The following TARBP1 variants were observed in gnomAD, a reference collection of about 807,000 sequenced individuals.
The protein encoded by TARBP1 is tRNA guanosine 2 -O-methyltransferase TARBP1, also known as tRNA (guanosine(18)-2'-O)-methyltransferase TARBP1.
A neutral mutation model predicts 178.6 loss-of-function variants in TARBP1; 144 were observed. That is an observed-to-expected ratio of 0.81 (90% CI 0.70 to 0.93). The LOEUF (loss-of-function observed/expected upper bound fraction) is 0.93. TARBP1 is among the 40% of genes least tolerant of loss of function. The probability of loss-of-function intolerance (pLI) is 0.00; values close to 1 mark genes in which losing one functional copy is unlikely to be tolerated. For missense variants in TARBP1, 2,067 were observed against 2,011.7 expected (o/e 1.03, Z -0.53); for synonymous variants, 787 against 781.0 (o/e 1.01, Z -0.13).
At chr1:234,431,901 G>T (rs914761190) in intron 14 of TARBP1, among the ~76,000 whole-genome samples, 3 of 152,174 alleles carry the variant, frequency 2.0e-5, no homozygotes, top group African/African-American at 7.2e-5. Context: ...ACTTTGGGAG[G>T]CCGAGGTGGG....
chr1:234,433,769 CTG>C (rs1205228214), intron 13 of TARBP1, among the ~76,000 whole-genome samples, 198 bp from the exon 14 acceptor site: 4 of 152,238 alleles, frequency 2.6e-5, no homozygotes, highest in Admixed American at 2.6e-4. Flanking sequence ...TACACAGTGA[CTG>C]TGCATTCAGC....
At chr1:234,400,242 G>A (rs1660545352) in intron 25 of TARBP1, 1 of 152,102 alleles carries the variant, frequency 6.6e-6, no homozygotes, top group African/African-American at 2.4e-5. Context: ...CCTGTTGGAA[G>A]ACTGAATAGA....
chr1:234,452,901 A>G (rs1213359758), intron 9 of TARBP1, among the ~76,000 whole-genome samples: 1 of 152,208 alleles, frequency 6.6e-6, no homozygotes, highest in Non-Finnish European at 1.5e-5. Context: ...TGAGCTATCA[A>G]GCCATGAAAA....
intron 22 of TARBP1, among the ~76,000 whole-genome samples, chr1:234,412,627 G>A (rs1033499154): frequency 8.6e-5 from 13 of 152,044 alleles, no homozygotes; most frequent in Non-Finnish European, 1.0e-4. Context: ...TATAATTGCC[G>A]GGTGACAGAG....
chr1:234,457,186 C>A (rs922205522), intron 9 of TARBP1, among the ~76,000 whole-genome samples: 1 of 152,150 alleles, frequency 6.6e-6, no homozygotes, highest in Non-Finnish European at 1.5e-5. Flanking sequence ...AGCCACAGAG[C>A]GGCATGGAGA....
chr1:234,391,775 T>A, intron 29 of TARBP1, 30 bp from the exon 30 acceptor site: 3 of 1,598,154 alleles, frequency 1.9e-6, no homozygotes, highest in Non-Finnish European at 8.5e-7. Context: ...AAAGATTAGT[T>A]TTCCTGTAAC....
intron 9 of TARBP1, among the ~76,000 whole-genome samples, chr1:234,455,316 A>C (rs1041843269): frequency 6.6e-6 from 1 of 152,164 alleles, no homozygotes; most frequent in South Asian, 2.1e-4. Context: ...AGCAATCCCA[A>C]TTCTAGGACT....
At chr1:234,439,184 G>C (rs1359310297) in intron 12 of TARBP1, among the ~76,000 whole-genome samples, 1 of 152,172 alleles carries the variant, frequency 6.6e-6, no homozygotes, top group Non-Finnish European at 1.5e-5. Flanking sequence ...CAGGAACAAA[G>C]GAAGAGCAAA....
At chr1:234,471,366 A>G in intron 2 of TARBP1, 109 bp from the exon 3 acceptor site, 1 of 709,194 alleles carries the variant, frequency 1.4e-6, no homozygotes, top group Non-Finnish European at 2.4e-6. Context: ...TACAAAACAT[A>G]TGTAGAAAGA....
At chr1:234,470,274 A>T (rs975772943) in intron 3 of TARBP1, among the ~76,000 whole-genome samples, 16 of 152,192 alleles carry the variant, frequency 1.1e-4, no homozygotes, top group Non-Finnish European at 2.4e-4. Flanking sequence ...ACATCTCAAA[A>T]ACAAAAAAAA....
Position 234,478,592 on chromosome 1 carries a change from G to T in TARBP1, c.512C>A (p.Ala171Glu). The T allele has an allele frequency of 7.7e-7, 1 of 1,295,982 alleles. No individual in the cohort carries two copies. Among genetic ancestry groups the T allele is most frequent in the South Asian group, 2.1e-5 (1 of 47,458 alleles). The allele number at this position is 1,295,982 out of a possible 1,614,324, so 80.3% of individuals were successfully genotyped here. ...ATCCCCGTCCCCGCCCCCGCCCAGC[G>T]CCAGGGCGACGGCGGTCCCCGCCAC... ...ERVAGTAVAL[A>E]LGGGGDGDEA... The change falls in exon 1 of 30, where the codon GCG becomes GAG. Residue 171 changes from alanine (A) to glutamate (E), a missense_variant. Transcript: ENST00000040877.
chr1:234,469,521 T>G (rs762703636), intron 3 of TARBP1, among the ~76,000 whole-genome samples: 20 of 152,356 alleles, frequency 1.3e-4, no homozygotes, highest in Middle Eastern at 3.4e-3. Context: ...GCTTATGGTC[T>G]GTGAAAAATC....
Position 234,404,128 on chromosome 1 carries a change from C to G in TARBP1, c.3989+1775G>C, listed in dbSNP as rs59758329. 3.7e-3 allele frequency among the ~76,000 whole-genome samples: 559 copies of G among 152,302 alleles called. 2 individuals are homozygous for G. Among genetic ancestry groups the G allele is most frequent in the South Asian group, 0.028 (133 of 4,832 alleles). On this transcript the variant is annotated intron_variant, in intron 24 of 29. Coordinates refer to ENST00000040877, the MANE Select transcript of TARBP1 (RefSeq NM_005646.4). ...TTAGAAATCAAAACACAGCTACCAACAAATTTAGAATAGGATCAACAACCA... is the reference window on the plus strand; with the variant it reads ...TTAGAAATCAAAACACAGCTACCAAGAAATTTAGAATAGGATCAACAACCA...
chr1:234,427,341 C>T lies in TARBP1; in HGVS notation c.3299G>A (p.Cys1100Tyr). Residue 1100 changes from cysteine to tyrosine, a missense_variant, in exon 19 of 30, where the codon TGT (cysteine) becomes TAT (tyrosine). Physicochemically the swap from Cys to Tyr is radical, Grantham distance 194 (BLOSUM62 -2). Coordinates refer to ENST00000040877, the MANE Select transcript of TARBP1 (RefSeq NM_005646.4). ...QTFIENLGHDCAANIVMENTK... is the reference protein window; with the variant it reads ...QTFIENLGHDYAANIVMENTK... ...CTTTTCCATAACAATATTTGCCGCACAGTCATGTCCAAGGTTTTCTATGAA... is the reference window on the plus strand; with the variant it reads ...CTTTTCCATAACAATATTTGCCGCATAGTCATGTCCAAGGTTTTCTATGAA... 1 of 1,611,664 alleles carries T rather than the reference C, an allele frequency of 6.2e-7. No individual in the cohort carries two copies. Among genetic ancestry groups the T allele is most frequent in the Non-Finnish European group, 8.5e-7 (1 of 1,178,894 alleles).
chr1:234,465,806 A>G, intron 4 of TARBP1, 98 bp from the exon 5 acceptor site: 1 of 1,119,304 alleles, frequency 8.9e-7, no homozygotes, highest in South Asian at 1.8e-5. Flanking sequence ...ACAGGCTTAC[A>G]GAAGACCTGC....
rs879383304 is a variant in TARBP1, at chr1:234,429,467, A to G, written c.2820T>C (p.Ser940=). Residue 940 remains serine (S), a synonymous_variant, in exon 16 of 30, where the codon TCT becomes TCC. Coordinates refer to ENST00000040877, the MANE Select transcript of TARBP1 (RefSeq NM_005646.4). ...GGAACACTGGTAAAACTTGATCAGA[A>G]GAAAGAACTGTGAGGGCTTCTAGTG... is the stretch of plus-strand genomic sequence containing the variant. ...QSALEALTVL[S]SDQVLPVFHC... The G allele has an allele frequency of 2.5e-6, 4 of 1,614,068 alleles. No individual in the cohort carries two copies. Among genetic ancestry groups the G allele is most frequent in the Non-Finnish European group, 3.4e-6 (4 of 1,180,036 alleles).
chr1:234,448,374 C>A (rs774116536), intron 11 of TARBP1, 106 bp downstream of exon 11: 5 of 896,244 alleles, frequency 5.6e-6, no homozygotes, highest in South Asian at 1.5e-5. Context: ...CCTTCCTTGA[C>A]ACCTTGTGGT....
intron 23 of TARBP1, 101 bp from the exon 24 acceptor site, chr1:234,406,200 A>T (rs1661223468): frequency 1.1e-5 from 12 of 1,086,874 alleles, no homozygotes; most frequent in Non-Finnish European, 1.6e-5. Flanking sequence ...AACTGCTCCT[A>T]GTAAAACTTC....
chr1:234,442,804 C>T (rs1464591744), intron 12 of TARBP1, among the ~76,000 whole-genome samples: 2 of 152,170 alleles, frequency 1.3e-5, no homozygotes, highest in East Asian at 3.8e-4. Context: ...AACAAAAAGA[C>T]TTGAAGAAAA....
Sources: gnomAD v4.1 joint callset for allele counts (sites outside exome capture counted in the v4.1 genomes callset) on GRCh38, gnomAD v4.1.1 for gene constraint, MANE v1.5 for transcripts, NCBI Gene and HGNC (gene_info 2026-07-23, HGNC 2026-07-21) for gene names.